KREMEN1: variants seen among roughly 807,000 people sequenced by gnomAD.
KREMEN1 encodes kringle containing transmembrane protein 1.
Under a neutral mutation model 46.5 loss-of-function variants are expected in KREMEN1, and 30 were observed. The ratio of observed to expected loss-of-function variants is 0.65; its 90% CI spans 0.48 to 0.88. The LOEUF (loss-of-function observed/expected upper bound fraction) is 0.88, where lower values mean the gene tolerates loss of function less well. Ranked by LOEUF, KREMEN1 falls within the 40% of genes least tolerant of loss-of-function variation. The pLI is 0.00. For synonymous variants in KREMEN1, 214 were observed against 230.6 expected (o/e 0.93, Z 0.65); for missense variants, 533 against 596.9 (o/e 0.89, Z 1.11).
intron 1 of KREMEN1, among the ~76,000 whole-genome samples, chr22:29,091,098 C>T (rs925590939): frequency 6.6e-6 from 1 of 152,212 alleles, no homozygotes; most frequent in Non-Finnish European, 1.5e-5. Context: ...CTCAGCTTCC[C>T]AAGTAGCTGG....
At chr22:29,120,441 G>A (rs867505912) in intron 3 of KREMEN1, among the ~76,000 whole-genome samples, 2 of 78,934 alleles carry the variant, frequency 2.5e-5, no homozygotes, top group Non-Finnish European at 2.7e-5. Context: ...GAGAGGTGAT[G>A]ATGGAAACAG....
intron 5 of KREMEN1, among the ~76,000 whole-genome samples, chr22:29,130,329 C>T (rs2038512901): frequency 6.6e-6 from 1 of 152,192 alleles, no homozygotes; most frequent in Admixed American, 6.5e-5. Flanking sequence ...GATCTGGCTC[C>T]TGGGACTGTG....
intron 3 of KREMEN1, among the ~76,000 whole-genome samples, chr22:29,105,053 T>TG (rs1337102507): frequency 6.6e-6 from 1 of 152,168 alleles, no homozygotes; most frequent in Non-Finnish European, 1.5e-5. Flanking sequence ...ATCCTCAGTC[T>TG]GGGACAGAAG....
chr22:29,167,642 C>T (rs2039065141), exon 10 of KREMEN1: 1 of 153,758 alleles, frequency 6.5e-6, no homozygotes, highest in African/African-American at 2.4e-5. Flanking sequence ...TCAGGATCAG[C>T]AGTCACCATG....
At chr22:29,079,769 A>G (rs2145735541) in intron 1 of KREMEN1, among the ~76,000 whole-genome samples, 2 of 152,338 alleles carry the variant, frequency 1.3e-5, no homozygotes, top group Middle Eastern at 6.8e-3. Context: ...TTCCAAACAG[A>G]CATATTAGAT....
intron 1 of KREMEN1, among the ~76,000 whole-genome samples, chr22:29,077,970 G>A (rs933177920): frequency 5.9e-5 from 9 of 152,118 alleles, no homozygotes; most frequent in Non-Finnish European, 1.2e-4. Context: ...AGGACTTTTA[G>A]ACCAGGTGCA....
chr22:29,099,871 G>A (rs2037948050), intron 3 of KREMEN1, among the ~76,000 whole-genome samples: 1 of 151,890 alleles, frequency 6.6e-6, no homozygotes, highest in Admixed American at 6.6e-5. Context: ...TTTATTATAT[G>A]CAAACTACAA....
At chr22:29,125,186 C>A in intron 4 of KREMEN1, 77 bp from the exon 5 acceptor site, 1 of 1,545,688 alleles carries the variant, frequency 6.5e-7, no homozygotes, top group Non-Finnish European at 8.8e-7. Context: ...TTGCTGGAAG[C>A]CCACCCTGCC....
intron 6 of KREMEN1, 52 bp from the exon 7 acceptor site, chr22:29,138,572 T>C (rs1230190705): frequency 1.9e-6 from 3 of 1,550,890 alleles, no homozygotes; most frequent in African/African-American, 1.4e-5. Context: ...CCCGCACAAC[T>C]CTTTGTTGTC....
downstream of KREMEN1, among the ~76,000 whole-genome samples, chr22:29,149,386 C>T (rs558839547): frequency 1.3e-5 from 2 of 152,246 alleles, no homozygotes; most frequent in South Asian, 4.1e-4. Flanking sequence ...TGGTCTCGAT[C>T]TCTTGACCTG....
chr22:29,097,116 G>T (rs1351243211), intron 2 of KREMEN1, among the ~76,000 whole-genome samples: 1 of 152,250 alleles, frequency 6.6e-6, no homozygotes, highest in Non-Finnish European at 1.5e-5. Context: ...CCACATGACA[G>T]GCTTAGCCCA....
At chr22:29,076,916 C>T (rs2037581446) in intron 1 of KREMEN1, among the ~76,000 whole-genome samples, 1 of 152,096 alleles carries the variant, frequency 6.6e-6, no homozygotes, top group South Asian at 2.1e-4. Context: ...AATCTTAAAG[C>T]AAGAAAGCAT....
chr22:29,144,207 C>CT lies in KREMEN1; in HGVS notation c.*2095_*2096insT, dbSNP rs563644939. ...TGCCTACCTCCCCCAAGCCCTGAGC[C>CT]ACTGCCTGCTGGGGCTCCTACTGAG... On this transcript the variant is annotated 3_prime_UTR_variant, in exon 9 of 9. Coordinates refer to ENST00000400335, the MANE Select transcript of KREMEN1 (RefSeq NM_001039570.3). The CT allele has an allele frequency of 2.6e-4, 261 of 985,620 alleles. 3 individuals are homozygous for CT. In the African/African-American group the frequency reaches 4.3e-3, roughly 16 times the overall value. The allele number at this position is 985,620 out of a possible 1,614,324, so 61.1% of individuals were successfully genotyped here.
chr22:29,091,037 G>T (rs960161162), intron 1 of KREMEN1, among the ~76,000 whole-genome samples: 1 of 152,178 alleles, frequency 6.6e-6, no homozygotes. Context: ...GCAAAGGCAC[G>T]ATCTCGGCTC....
At chr22:29,166,202 T>C (rs916317384) in intron 9 of KREMEN1, among the ~76,000 whole-genome samples, 2 of 150,924 alleles carry the variant, frequency 1.3e-5, no homozygotes, top group African/African-American at 4.9e-5. Flanking sequence ...CCTAGTCGTC[T>C]GCTTCTGAGT....
chr22:29,134,334 T>C (rs1416865783), intron 5 of KREMEN1, among the ~76,000 whole-genome samples: 1 of 151,938 alleles, frequency 6.6e-6, no homozygotes, highest in African/African-American at 2.4e-5. Context: ...ATTTTAAAAT[T>C]TTTGTAGAGA....
At chr22:29,136,863 C>A (rs2038665978) in intron 5 of KREMEN1, among the ~76,000 whole-genome samples, 2 of 152,200 alleles carry the variant, frequency 1.3e-5, no homozygotes, top group South Asian at 4.1e-4. Flanking sequence ...ACACAAGCAG[C>A]TGTAAAGCCC....
chr22:29,087,102 A>C (rs1318263444), intron 1 of KREMEN1, among the ~76,000 whole-genome samples: 1 of 152,142 alleles, frequency 6.6e-6, no homozygotes, highest in Non-Finnish European at 1.5e-5. Context: ...AGATTTCTAT[A>C]ATCTATCTAC....
Position 29,073,072 on chromosome 22 carries a change from G to C in KREMEN1, c.-59G>C. Reference sequence around the variant, plus strand: ...CGTCCTGCTCCCATGGCCGCCCCCGGCTCCCCGCGCTGCCCCCTTTACCCC... The same window carrying C: ...CGTCCTGCTCCCATGGCCGCCCCCGCCTCCCCGCGCTGCCCCCTTTACCCC... On this transcript the variant is annotated 5_prime_UTR_variant, in exon 1 of 9. Coordinates refer to ENST00000400335, the MANE Select transcript of KREMEN1 (RefSeq NM_001039570.3). The surrounding 1 kb of genome is among the most constrained non-coding windows in gnomAD (Gnocchi z 4.4). 2.2e-6 allele frequency: 1 copy of C among 452,674 alleles called. No individual in the cohort carries two copies. Among genetic ancestry groups the C allele is most frequent in the Non-Finnish European group, 2.9e-6 (1 of 343,384 alleles). The allele number at this position is 452,674 out of a possible 1,614,324, so 28.0% of individuals were successfully genotyped here. A position where few individuals can be genotyped will look rare whatever the true frequency, so the allele number is the denominator to read the frequency against.
Sources: gnomAD v4.1 joint callset for allele counts (sites outside exome capture counted in the v4.1 genomes callset) on GRCh38, gnomAD v4.1.1 for gene constraint, Gnocchi (gnomAD v3.1) non-coding constraint, MANE v1.5 for transcripts, NCBI Gene and HGNC (gene_info 2026-07-23, HGNC 2026-07-21) for gene names.